The following MARK2 variants were observed in gnomAD, a reference collection of about 807,000 sequenced individuals.
MARK2 encodes the protein serine/threonine-protein kinase MARK2.
MARK2 carries 16 observed loss-of-function variants against 89.8 expected under a neutral mutation model. The ratio of observed to expected loss-of-function variants is 0.18; its 90% CI spans 0.12 to 0.27. The LOEUF (loss-of-function observed/expected upper bound fraction) is 0.27, where lower values mean the gene tolerates loss of function less well. MARK2 is among the 10% of genes least tolerant of loss of function. MARK2 has a pLI of 1.00. For missense variants in MARK2, 621 were observed against 1,049.9 expected (o/e 0.59, Z 5.65); for synonymous variants, 382 against 399.5 (o/e 0.96, Z 0.52).
chr11:63,841,673 C>T (rs2016025329), intron 1 of MARK2, among the ~76,000 whole-genome samples: 1 of 152,238 alleles, frequency 6.6e-6, no homozygotes, highest in African/African-American at 2.4e-5. Context: ...AAGTGACTGA[C>T]TGGCACCCTC....
At chr11:63,870,333 AG>A (rs1938374131) in intron 1 of MARK2, among the ~76,000 whole-genome samples, 1 of 152,144 alleles carries the variant, frequency 6.6e-6, no homozygotes, top group African/African-American at 2.4e-5. Flanking sequence ...CTGGGTTCCC[AG>A]AGTGTTGGGA....
At chr11:63,899,571 T>C (rs1201968318) in intron 7 of MARK2, among the ~76,000 whole-genome samples, 1 of 152,216 alleles carries the variant, frequency 6.6e-6, no homozygotes, top group Non-Finnish European at 1.5e-5. Context: ...TCTTGGCTGC[T>C]GAGTCCTCAC....
Position 63,906,117 on chromosome 11 carries a change from A to G in MARK2, c.1961+3A>G. 6.8e-6 allele frequency: 9 copies of G among 1,328,346 alleles called. No homozygotes were observed. Among genetic ancestry groups the G allele is most frequent in the Non-Finnish European group, 8.7e-6 (9 of 1,038,130 alleles). The allele number at this position is 1,328,346 out of a possible 1,614,324, so 82.3% of individuals were successfully genotyped here. A position where few individuals can be genotyped will look rare whatever the true frequency, so the allele number is the denominator to read the frequency against. On this transcript the variant is annotated splice_donor_region_variant and intron_variant, in intron 17 of 18. Coordinates refer to ENST00000402010, the MANE Select transcript of MARK2 (RefSeq NM_001039469.3). ...CTGTCTTTCAGGTTTGCCAGAAGGT[A>G]GGCGTTGAGCCCGCTGTGTGTGTGT...
chr11:63,868,777 T>C, intron 1 of MARK2: 1 of 456,000 alleles, frequency 2.2e-6, no homozygotes, highest in South Asian at 1.5e-5. Flanking sequence ...GGAACACTAG[T>C]GTTGGGAATA....
Position 63,895,755 on chromosome 11 carries a change from C to T in MARK2, c.288+122C>T, listed in dbSNP as rs559193017. ...TGTGATCTCGGCTCACTGCAACCTCCGCCTTTTGGTTTCAAGCGATTCTCC... is the reference window on the plus strand; with the variant it reads ...TGTGATCTCGGCTCACTGCAACCTCTGCCTTTTGGTTTCAAGCGATTCTCC... On this transcript the variant is annotated intron_variant, in intron 3 of 18. Coordinates refer to ENST00000402010, the MANE Select transcript of MARK2 (RefSeq NM_001039469.3). The T allele has an allele frequency of 1.5e-5, 13 of 882,254 alleles. No individual in the cohort carries two copies. The East Asian group carries it at 2.9e-4, about 20-fold the overall frequency. 54.7% of individuals were successfully genotyped at this position (882,254 alleles called of 1,614,324 possible).
chr11:63,895,061 A>G, intron 1 of MARK2, 98 bp from the exon 2 acceptor site: 1 of 949,734 alleles, frequency 1.1e-6, no homozygotes, highest in Non-Finnish European at 1.6e-6. Flanking sequence ...AGCCCCCTGG[A>G]ATCTGCCCCT....
intron 1 of MARK2, among the ~76,000 whole-genome samples, chr11:63,886,328 T>A (rs1364197081): frequency 6.6e-6 from 1 of 152,072 alleles, no homozygotes; most frequent in African/African-American, 2.4e-5. Flanking sequence ...CTCACTCTGT[T>A]GCCCAGGCTT....
intron 1 of MARK2, among the ~76,000 whole-genome samples, chr11:63,887,207 G>A (rs776866066): frequency 1.3e-5 from 2 of 152,200 alleles, no homozygotes; most frequent in African/African-American, 2.4e-5. Flanking sequence ...ATGAGAGCAC[G>A]ATTAGGCATC....
At chr11:63,876,349 C>A (rs1938754908) in intron 1 of MARK2, among the ~76,000 whole-genome samples, 1 of 152,212 alleles carries the variant, frequency 6.6e-6, no homozygotes, top group South Asian at 2.1e-4. Context: ...TTCTGGCAAC[C>A]TACAGAATAA....
At chr11:63,901,644 A>G (rs954490784) in intron 11 of MARK2, among the ~76,000 whole-genome samples, 3 of 146,564 alleles carry the variant, frequency 2.0e-5, no homozygotes, top group Non-Finnish European at 3.0e-5. Context: ...ATACCCGGCT[A>G]TTGAGTCTGT....
intron 1 of MARK2, among the ~76,000 whole-genome samples, chr11:63,891,397 T>C (rs1590649628): frequency 6.6e-6 from 1 of 152,212 alleles, no homozygotes; most frequent in East Asian, 1.9e-4. Flanking sequence ...CTTGTGGTTG[T>C]TAAGCTCCTT....
rs57123766 is a variant in MARK2, at chr11:63,903,631, T to A, written c.1515-355T>A. ...TTCCTGGCTCTATCTCTTCTGAGTTTATGAAAGTTTCCCCTCAGCAACACC... is the reference window on the plus strand; with the variant it reads ...TTCCTGGCTCTATCTCTTCTGAGTTAATGAAAGTTTCCCCTCAGCAACACC... On this transcript the variant is annotated intron_variant, in intron 14 of 18. Coordinates refer to ENST00000402010, the MANE Select transcript of MARK2 (RefSeq NM_001039469.3). This position sits in a 1 kb window ranked among gnomAD's most constrained non-coding sequence, Gnocchi z 5.1. 6.6e-6 allele frequency among the ~76,000 whole-genome samples: 1 copy of A among 152,070 alleles called. No homozygotes were observed. The highest frequency in any genetic ancestry group is 1.9e-4 in the East Asian group (1 of 5,198).
At chr11:63,908,846 C>CG (rs1341257106) in intron 18 of MARK2, 31 bp from the exon 19 acceptor site, 1 of 1,436,270 alleles carries the variant, frequency 7.0e-7, no homozygotes, top group Non-Finnish European at 9.2e-7. Flanking sequence ...CCTCAGCCCC[C>CG]CCGTGACGCC....
rs75655852 is a variant in MARK2, at chr11:63,889,685, C to T, written c.55-5474C>T. 1.1e-4 allele frequency among the ~76,000 whole-genome samples: 17 copies of T among 152,350 alleles called. No individual in the cohort carries two copies. The East Asian group carries it at 3.1e-3, about 28-fold the overall frequency. On this transcript the variant is annotated intron_variant, in intron 1 of 18. Coordinates refer to ENST00000402010, the MANE Select transcript of MARK2 (RefSeq NM_001039469.3). ...TTCTCTCTTCCTCTCAGTAGCAGAC[C>T]CCAAAGCTGTTTCAGCCCTACTTCT... is the stretch of plus-strand genomic sequence containing the variant.
Position 63,909,346 on chromosome 11 carries a change from T to TGCTGGCACTTCTCCCCTC in MARK2, c.*110_*127dup. 8.5e-7 allele frequency: 1 copy of TGCTGGCACTTCTCCCCTC among 1,177,558 alleles called. No homozygotes were observed. The highest frequency in any genetic ancestry group is 1.2e-6 in the Non-Finnish European group (1 of 868,644). 72.9% of individuals were successfully genotyped at this position (1,177,558 alleles called of 1,614,324 possible). On this transcript the variant is annotated 3_prime_UTR_variant, in exon 19 of 19. Transcript: ENST00000402010. ...CAGCGATGGATTGGTGTGTCTCCCC[T>TGCTGGCACTTCTCCCCTC]GCTGGCACTTCTCCCCTCCCTGGCC... is the stretch of plus-strand genomic sequence containing the variant.
Position 63,904,692 on chromosome 11 carries a change from C to T in MARK2, c.1677-94C>T, listed in dbSNP as rs1230669730. On this transcript the variant is annotated intron_variant, in intron 15 of 18. Coordinates refer to ENST00000402010, the MANE Select transcript of MARK2 (RefSeq NM_001039469.3). The surrounding 1 kb of genome is among the most constrained non-coding windows in gnomAD (Gnocchi z 6.3). ...GATGGCTGCCTCTGCCCTAGCATCC[C>T]CCTCCCTGTCCCCACCACAGGGTGT... 2 of 1,064,212 alleles carry T rather than the reference C, an allele frequency of 1.9e-6. No homozygotes were observed. The highest frequency in any genetic ancestry group is 3.1e-5 in the African/African-American group (2 of 64,840). The allele number at this position is 1,064,212 out of a possible 1,614,324, so 65.9% of individuals were successfully genotyped here.
intron 1 of MARK2, among the ~76,000 whole-genome samples, chr11:63,863,464 A>ACC (rs1198834189): frequency 4.0e-5 from 1 of 25,052 alleles, no homozygotes; most frequent in Non-Finnish European, 8.5e-5. Context: ...CCCACCCCCC[A>ACC]CCCCCCCACT....
intron 1 of MARK2, among the ~76,000 whole-genome samples, chr11:63,881,085 C>T (rs1339470910): frequency 6.6e-6 from 1 of 151,962 alleles, no homozygotes; most frequent in Admixed American, 6.6e-5. Flanking sequence ...AGGCAGATCA[C>T]CTGAGGTCAG....
intron 1 of MARK2, among the ~76,000 whole-genome samples, chr11:63,846,855 A>G (rs1036619593): frequency 1.3e-5 from 2 of 151,672 alleles, no homozygotes; most frequent in Non-Finnish European, 2.9e-5. Context: ...ACGGGGTTTC[A>G]CCTTGTTAGC....
Sources: allele counts gnomAD v4.1 joint callset (sites outside exome capture counted in the v4.1 genomes callset), GRCh38; gene constraint gnomAD v4.1.1; non-coding constraint Gnocchi (gnomAD v3.1); transcripts MANE v1.5; gene names NCBI Gene and HGNC (gene_info 2026-07-23, HGNC 2026-07-21).